The following NSUN6 variants were observed in gnomAD, a reference collection of about 807,000 sequenced individuals.
NSUN6 encodes the protein tRNA (cytosine(72)-C(5))-methyltransferase NSUN6.
In NSUN6, 64 loss-of-function variants were observed where a neutral mutation model predicts 58.0. That is an observed-to-expected ratio of 1.10 (90% CI 0.90 to 1.36). NSUN6 has a LOEUF of 1.36. NSUN6 is among the 40% of genes most tolerant of loss of function. The pLI, the probability that NSUN6 is intolerant of heterozygous loss-of-function variation, is 0.00. For missense variants in NSUN6, 701 were observed against 550.1 expected, an observed-to-expected ratio of 1.27 and a Z score of -2.74; for synonymous variants, 231 against 193.9, an observed-to-expected ratio of 1.19 and a Z score of -1.59.
chr10:18,654,010 A>G (rs1202892516), upstream of NSUN6, among the ~76,000 whole-genome samples: 1 of 152,172 alleles, frequency 6.6e-6, no homozygotes, highest in Non-Finnish European at 1.5e-5. Flanking sequence ...ATTTAATTTC[A>G]TGGTAAGGGT....
intron 2 of NSUN6, among the ~76,000 whole-genome samples, chr10:18,647,068 C>G (rs2059566815): frequency 6.6e-6 from 1 of 152,094 alleles, no homozygotes; most frequent in African/African-American, 2.4e-5. Context: ...AAGGTTTGGT[C>G]TCATACACTG....
intron 3 of NSUN6, among the ~76,000 whole-genome samples, chr10:18,631,741 A>C (rs1283145374): frequency 6.6e-6 from 1 of 150,434 alleles, no homozygotes. Flanking sequence ...ACCACTGCTC[A>C]AGGAAATAAA....
intron 3 of NSUN6, among the ~76,000 whole-genome samples, chr10:18,623,251 T>C (rs1187989046): frequency 1.3e-5 from 2 of 152,150 alleles, no homozygotes; most frequent in Non-Finnish European, 2.9e-5. Flanking sequence ...AAAGTTTAAC[T>C]GATGCATTTA....
chr10:18,554,192 GGGAAT>G (rs1473860519), intron 8 of NSUN6, among the ~76,000 whole-genome samples: 1 of 150,832 alleles, frequency 6.6e-6, no homozygotes, highest in Non-Finnish European at 1.5e-5. Context: ...GAATGGAATG[GGGAAT>G]GGAATGGAAT....
intron 7 of NSUN6, among the ~76,000 whole-genome samples, chr10:18,594,584 G>A (rs1324955588): frequency 1.3e-5 from 2 of 152,114 alleles, no homozygotes; most frequent in African/African-American, 4.8e-5. Context: ...AAGTAGCTGG[G>A]ACTACAGGCA....
intron 2 of NSUN6, among the ~76,000 whole-genome samples, chr10:18,646,332 C>G (rs543667011): frequency 2.6e-5 from 4 of 152,226 alleles, no homozygotes; most frequent in Non-Finnish European, 2.9e-5. Flanking sequence ...AAATCCACAG[C>G]CTAAAACCTC....
upstream of NSUN6, chr10:18,652,006 A>G: frequency 1.0e-6 from 1 of 985,384 alleles, no homozygotes; most frequent in Non-Finnish European, 1.2e-6. Flanking sequence ...ATTTCATGAC[A>G]TGATTTTACC....
chr10:18,613,360 G>C (rs992716878), intron 5 of NSUN6, among the ~76,000 whole-genome samples: 1 of 152,170 alleles, frequency 6.6e-6, no homozygotes, highest in African/African-American at 2.4e-5. Context: ...GCCTCTCAAA[G>C]TGCTGGAATT....
chr10:18,611,980 T>A (rs578118028), intron 5 of NSUN6, among the ~76,000 whole-genome samples: 1 of 152,320 alleles, frequency 6.6e-6, no homozygotes, highest in South Asian at 2.1e-4. Context: ...TCCATGAATG[T>A]ACACTTTTAA....
chr10:18,571,061 T>C (rs2056331929), intron 8 of NSUN6, among the ~76,000 whole-genome samples: 2 of 150,916 alleles, frequency 1.3e-5, no homozygotes, highest in South Asian at 4.2e-4. Flanking sequence ...CTCCACTCAA[T>C]TCTCCATTTC....
intron 3 of NSUN6, among the ~76,000 whole-genome samples, chr10:18,619,068 C>A (rs1402008406): frequency 6.6e-6 from 1 of 152,134 alleles, no homozygotes; most frequent in Non-Finnish European, 1.5e-5. Flanking sequence ...GTTAAAAGTT[C>A]TGAGGGAAAT....
At chr10:18,657,818 T>C (rs891778160), upstream of NSUN6, among the ~76,000 whole-genome samples, 4 of 152,054 alleles carry the variant, frequency 2.6e-5, no homozygotes, top group African/African-American at 9.7e-5. Context: ...TTCACCATGT[T>C]GGCCAGGATG....
chr10:18,612,803 C>G (rs2058282441), intron 5 of NSUN6, among the ~76,000 whole-genome samples: 1 of 152,138 alleles, frequency 6.6e-6, no homozygotes, highest in Non-Finnish European at 1.5e-5. Context: ...CCACATATCT[C>G]CATATAATAA....
At chr10:18,586,207 T>G (rs1564762328) in intron 7 of NSUN6, 114 bp from the exon 8 acceptor site, 7 of 771,920 alleles carry the variant, frequency 9.1e-6, no homozygotes, top group Non-Finnish European at 1.2e-5. Context: ...TCCACCATAC[T>G]CCCATCCCTA....
chr10:18,590,711 G>A lies in NSUN6; in HGVS notation c.778-4618C>T, dbSNP rs377739941. 1.6e-4 allele frequency among the ~76,000 whole-genome samples: 25 copies of A among 152,272 alleles called. No individual in the cohort carries two copies. In the East Asian group the frequency reaches 4.4e-3, roughly 27 times the overall value. ...TAAAGAAGTTATTTGAAACCAATGA[G>A]AACAAAGAGACAATGTACCAGAATC... On this transcript the variant is annotated intron_variant, in intron 7 of 10. Coordinates refer to ENST00000377304, the MANE Select transcript of NSUN6 (RefSeq NM_182543.5).
At chr10:18,615,106 C>CATATATATATATATAT (rs5783616) in intron 4 of NSUN6, among the ~76,000 whole-genome samples, 5 of 147,066 alleles carry the variant, frequency 3.4e-5, no homozygotes, top group African/African-American at 1.3e-4. Context: ...TATAGTCATT[C>CATATATATATATATAT]ATATATATAT....
chr10:18,585,852 A>G, intron 8 of NSUN6, 97 bp downstream of exon 8: 1 of 880,222 alleles, frequency 1.1e-6, no homozygotes, highest in Non-Finnish European at 1.7e-6. Flanking sequence ...TAATCATTCC[A>G]CATTGTATAC....
In NSUN6 at chr10:18,568,187, C is replaced by G. The variant is rs141745157; in HGVS notation, c.923-16216G>C. On this transcript the variant is annotated intron_variant, in intron 8 of 10. Coordinates refer to ENST00000377304, the MANE Select transcript of NSUN6 (RefSeq NM_182543.5). Reference sequence around the variant, plus strand: ...TCCATTATCCATTCTATTCCATTCTCCATTCCACAAAATTCACCATTCCAT... The same window carrying G: ...TCCATTATCCATTCTATTCCATTCTGCATTCCACAAAATTCACCATTCCAT... 4.0e-3 allele frequency among the ~76,000 whole-genome samples: 608 copies of G among 151,134 alleles called. 6 individuals are homozygous for G. Among genetic ancestry groups the G allele is most frequent in the African/African-American group, 0.014 (565 of 41,340 alleles).
intron 7 of NSUN6, among the ~76,000 whole-genome samples, chr10:18,589,957 A>G (rs1384031364): frequency 6.6e-6 from 1 of 152,158 alleles, no homozygotes; most frequent in Non-Finnish European, 1.5e-5. Context: ...AAAGATACAG[A>G]CTAGTAAACT....
Sources: allele counts gnomAD v4.1 joint callset (sites outside exome capture counted in the v4.1 genomes callset), GRCh38; gene constraint gnomAD v4.1.1; transcripts MANE v1.5; gene names NCBI Gene and HGNC (gene_info 2026-07-23, HGNC 2026-07-21).